The following REPS2 variants were observed in gnomAD, a reference collection of about 807,000 sequenced individuals.
REPS2 encodes the protein ralBP1-associated Eps domain-containing protein 2.
Under a neutral mutation model 53.6 loss-of-function variants are expected in REPS2, and 23 were observed. The ratio of observed to expected loss-of-function variants is 0.43; its 90% CI spans 0.31 to 0.61. REPS2 has a LOEUF of 0.61. REPS2 is among the 20% of genes least tolerant of loss of function. REPS2 has a pLI of 0.11. For synonymous variants in REPS2, 238 were observed against 218.6 expected, an observed-to-expected ratio of 1.09 and a Z score of -0.78; for missense variants, 446 against 534.9, an observed-to-expected ratio of 0.83 and a Z score of 1.64.
intron 3 of REPS2, among the ~76,000 whole-genome samples, chrX:17,024,363 G>GTTTTT (rs900082438): frequency 7.0e-5 from 5 of 71,693 alleles, no homozygotes; most frequent in African/African-American, 1.1e-4. Context: ...TACTAGTAAA[G>GTTTTT]TTTTTTTTTT....
chrX:17,107,219 T>C (rs1288929844), intron 14 of REPS2, among the ~76,000 whole-genome samples: 1 of 112,603 alleles, frequency 8.9e-6, no homozygotes, highest in Non-Finnish European at 1.9e-5. Flanking sequence ...TTTTACTGTA[T>C]GTTCCCTAGT....
chrX:17,001,830 A>G (rs1276255308), intron 1 of REPS2, among the ~76,000 whole-genome samples: 2 of 111,719 alleles, frequency 1.8e-5, no homozygotes, highest in African/African-American at 6.5e-5. Flanking sequence ...CAGGAGAAAA[A>G]TGAGGAAGAA....
At chrX:17,083,176 G>A (rs1340681001) in intron 13 of REPS2, among the ~76,000 whole-genome samples, 4 of 103,025 alleles carry the variant, frequency 3.9e-5, no homozygotes, top group African/African-American at 1.1e-4. Context: ...TCCGTCTCCC[G>A]GGTTCATGCC....
At chrX:17,068,773 A>G (rs900984826) in intron 10 of REPS2, among the ~76,000 whole-genome samples, 1 of 112,703 alleles carries the variant, frequency 8.9e-6, no homozygotes, top group African/African-American at 3.2e-5. Context: ...AAGCTGAACG[A>G]ATTGAGAACA....
At chrX:17,040,397 G>T (rs1156759726) in intron 5 of REPS2, among the ~76,000 whole-genome samples, 2 of 111,752 alleles carry the variant, frequency 1.8e-5, no homozygotes, top group Admixed American at 1.9e-4. Context: ...GAATTTTTTC[G>T]AATGTTTGTT....
At chrX:17,053,051 T>C (rs111666420) in intron 7 of REPS2, among the ~76,000 whole-genome samples, 2,870 of 111,655 alleles carry the variant, frequency 0.026, 101 homozygotes, top group African/African-American at 0.09. Context: ...TGAAAATGCT[T>C]GGTGCTGCTG....
At chrX:17,191,159 G>C in the REPS2 span, among the ~76,000 whole-genome samples, 2 of 111,755 alleles carry the variant, frequency 1.8e-5, no homozygotes, top group Non-Finnish European at 3.8e-5. Context: ...ACATTGTTAA[G>C]AGAATGTAAA....
chrX:17,155,066 T>C (rs2063602033), downstream of REPS2, among the ~76,000 whole-genome samples: 1 of 112,375 alleles, frequency 8.9e-6, no homozygotes, highest in African/African-American at 3.2e-5. Context: ...ATGTAATAGA[T>C]GGTGTCTTAA....
Position 17,013,277 on chromosome X carries a change from T to G in REPS2, c.397+6933T>G, listed in dbSNP as rs1391374328. 2.7e-5 allele frequency among the ~76,000 whole-genome samples: 3 copies of G among 112,324 alleles called. No individual in the cohort carries two copies. The East Asian group carries it at 8.3e-4, about 31-fold the overall frequency. ...CTTCTGTAAAATAAGGATCAAGACT[T>G]AGGAACTCTAATCCTGCTGCCTTGC... On this transcript the variant is annotated intron_variant, in intron 2 of 17. Transcript: ENST00000357277.
At chrX:17,101,757 C>T (rs2062806142) in intron 13 of REPS2, among the ~76,000 whole-genome samples, 1 of 112,034 alleles carries the variant, frequency 8.9e-6, no homozygotes, top group Non-Finnish European at 1.9e-5. Context: ...GTTCCTCTCT[C>T]TCAGGGGTCA....
intron 1 of REPS2, among the ~76,000 whole-genome samples, chrX:16,965,036 G>C (rs1304148653): frequency 1.1e-5 from 1 of 90,371 alleles, no homozygotes; most frequent in African/African-American, 4.3e-5. Context: ...TGGCCGGGCG[G>C]GGGGCTGACC....
chrX:17,065,090 A>T (rs1439267078), intron 9 of REPS2, among the ~76,000 whole-genome samples: 1 of 112,384 alleles, frequency 8.9e-6, no homozygotes. Flanking sequence ...CTATGAACAT[A>T]GATGTACAAG....
chrX:17,113,504 G>A (rs1212006613), intron 14 of REPS2, among the ~76,000 whole-genome samples: 2 of 110,878 alleles, frequency 1.8e-5, no homozygotes, highest in African/African-American at 3.3e-5. Context: ...TTGTAGAATC[G>A]GTTCATAGAT....
chrX:16,953,096 AACAAACACACAC>A (rs1286112094), intron 1 of REPS2, among the ~76,000 whole-genome samples: 2 of 89,798 alleles, frequency 2.2e-5, no homozygotes, highest in Non-Finnish European at 4.4e-5. Context: ...CAAACCAAAA[AACAAACACACAC>A]ACACACACAC....
chrX:16,995,712 G>A (rs2061226232), intron 1 of REPS2, among the ~76,000 whole-genome samples: 1 of 111,578 alleles, frequency 9.0e-6, no homozygotes, highest in Admixed American at 9.5e-5. Flanking sequence ...AATAATAAAT[G>A]CACCTCTTGC....
intron 1 of REPS2, among the ~76,000 whole-genome samples, chrX:17,001,348 G>A (rs977555060): frequency 4.4e-5 from 5 of 112,542 alleles, no homozygotes; most frequent in Non-Finnish European, 9.4e-5. Flanking sequence ...CTGACATTGT[G>A]TGCCCCTCAC....
chrX:17,120,839 C>T (rs185319257), intron 14 of REPS2, among the ~76,000 whole-genome samples: 17 of 111,987 alleles, frequency 1.5e-4, no homozygotes, highest in African/African-American at 5.2e-4. Context: ...GCAAGAGGCA[C>T]GCATAGCGCA....
intron 2 of REPS2, among the ~76,000 whole-genome samples, chrX:17,019,321 G>C (rs193198530): frequency 3.6e-5 from 4 of 111,928 alleles, no homozygotes; most frequent in Non-Finnish European, 7.5e-5. Context: ...ATCTTGGATG[G>C]CCACTCTCAT....
At chrX:17,050,145 T>TTCCTTCCTTCCTTCCTTC (rs1569148250) in intron 6 of REPS2, among the ~76,000 whole-genome samples, 16 of 35,249 alleles carry the variant, frequency 4.5e-4, no homozygotes, top group Admixed American at 1.1e-3. Flanking sequence ...TTTCTTCCTT[T>TTCCTTCCTTCCTTCCTTC]CTTTCTTTCT....
Sources: allele counts gnomAD v4.1 joint callset (sites outside exome capture counted in the v4.1 genomes callset), GRCh38; gene constraint gnomAD v4.1.1; transcripts MANE v1.5; gene names NCBI Gene and HGNC (gene_info 2026-07-23, HGNC 2026-07-21).